The following CAPRIN1 variants were observed in gnomAD, a reference collection of about 807,000 sequenced individuals.
CAPRIN1 encodes the protein caprin-1.
A neutral mutation model predicts 100.9 loss-of-function variants in CAPRIN1; 29 were observed. The ratio of observed to expected loss-of-function variants is 0.29; its 90% confidence interval spans 0.21 to 0.39. CAPRIN1 has a LOEUF of 0.39. CAPRIN1 is among the 10% of genes least tolerant of loss of function. The pLI, the probability that CAPRIN1 is intolerant of heterozygous loss-of-function variation, is 1.00. For synonymous variants in CAPRIN1, 338 were observed against 307.5 expected (o/e 1.10, Z -1.04); for missense variants, 795 against 876.7 (o/e 0.91, Z 1.18).
intron 2 of CAPRIN1, among the ~76,000 whole-genome samples, chr11:34,064,342 C>T (rs1248471219): frequency 6.6e-6 from 1 of 152,110 alleles, no homozygotes; most frequent in Non-Finnish European, 1.5e-5. Context: ...AATTTTAACA[C>T]CAGTGGACAA....
In CAPRIN1 at chr11:34,073,694, G is replaced by A. The variant is rs1590731391; in HGVS notation, c.366+1707G>A. Reference sequence around the variant, plus strand: ...GCCTGCCTCAGCCTCCCAAAGTGTTGGGATTACAGTGTGAGCCAACGTGCC... The same window carrying A: ...GCCTGCCTCAGCCTCCCAAAGTGTTAGGATTACAGTGTGAGCCAACGTGCC... On this transcript the variant is annotated intron_variant, in intron 4 of 18. Transcript: ENST00000341394. 2.0e-5 allele frequency among the ~76,000 whole-genome samples: 3 copies of A among 152,108 alleles called. No homozygotes were observed. The East Asian group carries it at 5.8e-4, about 29-fold the overall frequency.
chr11:34,088,391 T>A (rs1266300090), intron 11 of CAPRIN1, among the ~76,000 whole-genome samples: 5 of 152,182 alleles, frequency 3.3e-5, no homozygotes, highest in African/African-American at 1.2e-4. Flanking sequence ...CCGGGTATGG[T>A]AGCTCATGCC....
chr11:34,083,773 AG>A (rs1485991922), intron 9 of CAPRIN1, among the ~76,000 whole-genome samples: 1 of 152,214 alleles, frequency 6.6e-6, no homozygotes, highest in Non-Finnish European at 1.5e-5. Context: ...TCTTATATCA[AG>A]ACCATTCTCT....
chr11:34,070,177 G>A (rs551901125), intron 2 of CAPRIN1, among the ~76,000 whole-genome samples: 1 of 152,110 alleles, frequency 6.6e-6, no homozygotes, highest in East Asian at 1.9e-4. Flanking sequence ...ATATCTGTGG[G>A]GTCTTACTTA....
chr11:34,098,978 T>G, intron 18 of CAPRIN1: 6 of 1,172,450 alleles, frequency 5.1e-6, no homozygotes, highest in Non-Finnish European at 6.4e-6. Flanking sequence ...TTGTCTGTCT[T>G]CTCTGCTGTA....
At chr11:34,052,750 C>T (rs1222230152) in intron 2 of CAPRIN1, 114 bp downstream of exon 2, 11 of 1,417,782 alleles carry the variant, frequency 7.8e-6, no homozygotes, top group Admixed American at 7.4e-5. Flanking sequence ...TACTAGGTCC[C>T]CTCCTCCCAC....
At chr11:34,059,154 C>G (rs1478264273) in intron 2 of CAPRIN1, among the ~76,000 whole-genome samples, 1 of 152,032 alleles carries the variant, frequency 6.6e-6, no homozygotes, top group Non-Finnish European at 1.5e-5. Flanking sequence ...GAGTAGAGTT[C>G]AAAATTCAAA....
chr11:34,076,460 G>A lies in CAPRIN1; in HGVS notation c.591G>A (p.Arg197=). The A allele has an allele frequency of 1.2e-6, 2 of 1,613,626 alleles. No homozygotes were observed. The highest frequency in any genetic ancestry group is 1.7e-6 in the Non-Finnish European group (2 of 1,179,568). Residue 197 remains arginine, a synonymous_variant, in exon 5 of 19, where the codon CGG becomes CGA. Transcript: ENST00000341394. ...TCTATAAGCTAGTAGACCCTGAACG[G>A]GACATGAGCTTGAGGTATTAGTGGT... ...DEFYKLVDPE[R]DMSLRLNEQY... is the part of the protein sequence containing the mutation.
chr11:34,093,790 A>AT lies in CAPRIN1; in HGVS notation c.1705+1748dup, dbSNP rs11291246. On this transcript the variant is annotated intron_variant, in intron 15 of 18. Transcript: ENST00000341394. ...TAGCACAGGCCACCATGCCTGGCTA[A>AT]TTTTTTTTTTTTTTGTATTTTTAGT... 8.8e-3 allele frequency among the ~76,000 whole-genome samples: 1,262 copies of AT among 143,400 alleles called. 21 individuals carry two copies. Among genetic ancestry groups the AT allele is most frequent in the African/African-American group, 0.031 (1,177 of 38,232 alleles). The allele number at this position is 143,400 out of a possible 152,430, so 94.1% of individuals were successfully genotyped here.
At chr11:34,064,060 G>A (rs771799939) in intron 2 of CAPRIN1, among the ~76,000 whole-genome samples, 1 of 152,100 alleles carries the variant, frequency 6.6e-6, no homozygotes, top group Non-Finnish European at 1.5e-5. Flanking sequence ...GAGCCACCGC[G>A]CCTGGCCTGA....
At position 34,101,697 on chromosome 11, in the gene CAPRIN1, CATT is replaced by C. The variant is rs1212031838; in HGVS notation, c.*2333_*2335del. Reference sequence around the variant, plus strand: ...AGACCATATTTTTAAAGGGGTGCCTCATTATGGGGCAGAGAACTTTTCAATAAG... The same window carrying C: ...AGACCATATTTTTAAAGGGGTGCCTCATGGGGCAGAGAACTTTTCAATAAG... On this transcript the variant is annotated 3_prime_UTR_variant, in exon 19 of 19. Coordinates refer to ENST00000341394, the MANE Select transcript of CAPRIN1 (RefSeq NM_005898.5). Among the ~76,000 whole-genome samples, 1 of 152,044 alleles carries C rather than the reference CATT, an allele frequency of 6.6e-6. No homozygotes were observed. The highest frequency in any genetic ancestry group is 1.9e-4 in the East Asian group (1 of 5,202).
In CAPRIN1 at chr11:34,090,581, C is replaced by T; in HGVS notation, c.1457C>T (p.Ala486Val). 1 of 1,614,156 alleles carries T rather than the reference C, an allele frequency of 6.2e-7. No homozygotes were observed. Among genetic ancestry groups the T allele is most frequent in the Non-Finnish European group, 8.5e-7 (1 of 1,179,974 alleles). Residue 486 changes from alanine to valine, a missense_variant, in exon 14 of 19, where the codon GCT becomes GTT. By Grantham distance (64) the Ala-to-Val change is moderately conservative. Transcript: ENST00000341394. ...ACTACAGCATCATCATCCCTTCCTGCTGCGTCTCAGCCTCAAGTATTTCAG... is the reference window on the plus strand; with the variant it reads ...ACTACAGCATCATCATCCCTTCCTGTTGCGTCTCAGCCTCAAGTATTTCAG... The part of the protein sequence containing the change: ...DQTTASSSLP[A>V]ASQPQVFQAG...
Position 34,099,915 on chromosome 11 carries a change from A to G in CAPRIN1, c.*548A>G, listed in dbSNP as rs996963052. On this transcript the variant is annotated 3_prime_UTR_variant, in exon 19 of 19. Coordinates refer to ENST00000341394, the MANE Select transcript of CAPRIN1 (RefSeq NM_005898.5). ...ATGCATGGGTCCTAATCACACATAT[A>G]AGGCTGGCTACCAGCTTTGACACAG... is the stretch of plus-strand genomic sequence containing the variant. 3 of 153,462 alleles carry G rather than the reference A, an allele frequency of 2.0e-5. No homozygotes were observed. The highest frequency in any genetic ancestry group is 7.2e-5 in the African/African-American group (3 of 41,458). 9.5% of individuals were successfully genotyped at this position (153,462 alleles called of 1,614,324 possible). A position where few individuals can be genotyped will look rare whatever the true frequency, so the allele number is the denominator to read the frequency against.
chr11:34,069,865 T>A (rs1850774991), intron 2 of CAPRIN1, among the ~76,000 whole-genome samples: 1 of 148,660 alleles, frequency 6.7e-6, no homozygotes, highest in African/African-American at 2.5e-5. Context: ...GCTAGGCAAG[T>A]TGACATTTGT....
rs199791486 is a variant in CAPRIN1 at position 34,052,371 on chromosome 11, C to A, written c.1-50C>A. The A allele has an allele frequency of 1.2e-3, 1,792 of 1,469,802 alleles. 16 individuals are homozygous for A. The East Asian group carries it at 0.013, about 11-fold the overall frequency. The allele number at this position is 1,469,802 out of a possible 1,614,324, so 91.0% of individuals were successfully genotyped here. ...TCGCCCCGTCCGTCTCCTGACTGGCCGCTCTTGTCCTTCCTCCCGCTTTTT... is the reference window on the plus strand; with the variant it reads ...TCGCCCCGTCCGTCTCCTGACTGGCAGCTCTTGTCCTTCCTCCCGCTTTTT... On this transcript the variant is annotated intron_variant, in intron 1 of 18. Transcript: ENST00000341394.
chr11:34,092,986 G>T (rs1273802200), intron 15 of CAPRIN1, among the ~76,000 whole-genome samples: 2 of 151,594 alleles, frequency 1.3e-5, no homozygotes, highest in African/African-American at 4.8e-5. Context: ...TGAGTAGTTG[G>T]TAGTTGGGAC....
intron 2 of CAPRIN1, among the ~76,000 whole-genome samples, chr11:34,054,080 C>T (rs1372809577): frequency 1.3e-5 from 2 of 152,148 alleles, no homozygotes; most frequent in African/African-American, 4.8e-5. Flanking sequence ...TTGAAGAAAA[C>T]TGGTGATGTT....
At chr11:34,064,770 C>T (rs1850653007) in intron 2 of CAPRIN1, among the ~76,000 whole-genome samples, 1 of 152,092 alleles carries the variant, frequency 6.6e-6, no homozygotes, top group Admixed American at 6.5e-5. Flanking sequence ...CTCTCCTTCT[C>T]AAAGGTGGTA....
rs772781753 is a variant in CAPRIN1, at chr11:34,082,872, A to G, written c.874A>G (p.Thr292Ala). ...EYTEQSEVES[T>A]EYVNRQFMAE... ...CACTGAGCAAAGTGAAGTTGAATCA[A>G]CAGAGGTATGATTTTAATTTAATGC... The change falls in exon 8 of 19, where the codon ACA (threonine) becomes GCA (alanine). Residue 292 changes from threonine (T) to alanine (A), a missense_variant. Thr to Ala is a moderately conservative substitution (Grantham distance 58, BLOSUM62 0). This residue lies in a region of CAPRIN1 where 648 missense variants were observed against 697.9 expected (regional missense o/e 0.93). Coordinates refer to ENST00000341394, the MANE Select transcript of CAPRIN1 (RefSeq NM_005898.5). 2 of 1,613,994 alleles carry G rather than the reference A, an allele frequency of 1.2e-6. No homozygotes were observed. Among genetic ancestry groups the G allele is most frequent in the Admixed American group, 1.7e-5 (1 of 60,028 alleles).
Sources: allele counts gnomAD v4.1 joint callset (sites outside exome capture counted in the v4.1 genomes callset), GRCh38; gene constraint gnomAD v4.1.1; regional missense constraint gnomAD v4.1.1; transcripts MANE v1.5; gene names NCBI Gene and HGNC (gene_info 2026-07-23, HGNC 2026-07-21).